PCDHGA4: variants seen among roughly 807,000 people sequenced by gnomAD.
PCDHGA4 encodes the protein protocadherin gamma-A4.
A neutral mutation model predicts 54.6 loss-of-function variants in PCDHGA4; 38 were observed. The ratio of observed to expected loss-of-function variants is 0.70; its 90% CI spans 0.54 to 0.91. PCDHGA4 has a LOEUF of 0.91. PCDHGA4 is among the 40% of genes least tolerant of loss of function. PCDHGA4 has a pLI of 0.00. For missense variants in PCDHGA4, 1,298 were observed against 1,220.9 expected (o/e 1.06, Z -0.94); for synonymous variants, 511 against 512.9 (o/e 1.00, Z 0.05).
intron 1 of PCDHGA4, among the ~76,000 whole-genome samples, chr5:141,406,290 G>A (rs2094788974): frequency 6.6e-6 from 1 of 151,998 alleles, no homozygotes; most frequent in Non-Finnish European, 1.5e-5. Flanking sequence ...AAAGCACTGG[G>A]TGAGGTGTGA....
intron 1 of PCDHGA4, chr5:141,398,470 A>G: frequency 6.2e-7 from 1 of 1,604,828 alleles, no homozygotes; most frequent in Non-Finnish European, 8.5e-7. Flanking sequence ...AAATCCACTG[A>G]ACTTTTATCA....
In PCDHGA4 at chr5:141,461,039, C is replaced by T. The variant is rs1026091108; in HGVS notation, c.2515-33768C>T. On this transcript the variant is annotated intron_variant, in intron 1 of 3. Coordinates refer to ENST00000571252, the MANE Select transcript of PCDHGA4 (RefSeq NM_018917.4). ...ACATTTTCTTTATCCACTCATTAGT[C>T]GATGGGGACTTAGGTTGGTTTCACA... is the stretch of plus-strand genomic sequence containing the variant. 2.7e-5 allele frequency among the ~76,000 whole-genome samples: 4 copies of T among 150,906 alleles called. No homozygotes were observed. In the East Asian group the frequency reaches 7.8e-4, roughly 29 times the overall value.
chr5:141,491,232 G>C lies in PCDHGA4; in HGVS notation c.2515-3575G>C. The C allele has an allele frequency of 6.2e-7, 1 of 1,614,220 alleles. No individual in the cohort carries two copies. Among genetic ancestry groups the C allele is most frequent in the Non-Finnish European group, 8.5e-7 (1 of 1,180,034 alleles). On this transcript the variant is annotated intron_variant, in intron 1 of 3. Coordinates refer to ENST00000571252, the MANE Select transcript of PCDHGA4 (RefSeq NM_018917.4). The surrounding 1 kb of genome is among the most constrained non-coding windows in gnomAD (Gnocchi z 6.9). ...TCTCCTCCACAGCCACAGTGCTGCT[G>C]GTTCTGGAGGATGAGGACCCTGAGG... is the stretch of plus-strand genomic sequence containing the variant.
At position 141,485,144 on chromosome 5, in the gene PCDHGA4, G is replaced by A; in HGVS notation, c.2515-9663G>A. 6.4e-7 allele frequency: 1 copy of A among 1,564,192 alleles called. No homozygotes were observed. The highest frequency in any genetic ancestry group is 1.7e-5 in the Admixed American group (1 of 59,326). On this transcript the variant is annotated intron_variant, in intron 1 of 3. Transcript: ENST00000571252. This position sits in a 1 kb window ranked among gnomAD's most constrained non-coding sequence, Gnocchi z 5.7. ...CGGGTCGGCTTCATCCGCGTCTCAG[G>A]AGCAAGTAGAGAATTAGCGGGCGGC...
chr5:141,485,070 G>T lies in PCDHGA4; in HGVS notation c.2515-9737G>T. ...CGCCGGCCGAACCGCGCCAGAGCTG[G>T]CGCGGGGAAAGGGAGATAGGTGTCT... On this transcript the variant is annotated intron_variant, in intron 1 of 3. Coordinates refer to ENST00000571252, the MANE Select transcript of PCDHGA4 (RefSeq NM_018917.4). This position sits in a 1 kb window ranked among gnomAD's most constrained non-coding sequence, Gnocchi z 5.7. 1.1e-6 allele frequency: 1 copy of T among 908,406 alleles called. No individual in the cohort carries two copies. Among genetic ancestry groups the T allele is most frequent in the East Asian group, 2.4e-5 (1 of 41,326 alleles). 56.3% of individuals were successfully genotyped at this position (908,406 alleles called of 1,614,324 possible).
intron 2 of PCDHGA4, among the ~76,000 whole-genome samples, chr5:141,503,595 G>A (rs6892628): frequency 7.1e-6 from 1 of 140,086 alleles, no homozygotes. Context: ...CGAGACTCCA[G>A]CTCAAAAAAA....
chr5:141,481,762 G>A (rs1378950651), intron 1 of PCDHGA4, among the ~76,000 whole-genome samples: 3 of 152,126 alleles, frequency 2.0e-5, no homozygotes, highest in African/African-American at 2.4e-5. Flanking sequence ...GACCAGCCTG[G>A]CCAACATGGT....
At chr5:141,364,769 G>A in intron 1 of PCDHGA4, 4 of 1,614,012 alleles carry the variant, frequency 2.5e-6, no homozygotes, top group Non-Finnish European at 3.4e-6. Flanking sequence ...TGAAAATGCG[G>A]CTGCAGGGAC....
At chr5:141,394,552 G>T (rs368792885) in intron 1 of PCDHGA4, 4 of 1,614,070 alleles carry the variant, frequency 2.5e-6, no homozygotes, top group East Asian at 4.5e-5. Flanking sequence ...CTGGCGCCCC[G>T]CTCCGCAGAG....
chr5:141,507,716 C>T (rs567867232), intron 3 of PCDHGA4, among the ~76,000 whole-genome samples: 1 of 152,372 alleles, frequency 6.6e-6, no homozygotes, highest in South Asian at 2.1e-4. Flanking sequence ...CCCAAACCCT[C>T]CAAGCAAGTC....
chr5:141,455,577 C>T (rs1000865176), intron 1 of PCDHGA4, among the ~76,000 whole-genome samples: 3 of 152,120 alleles, frequency 2.0e-5, no homozygotes, highest in East Asian at 1.9e-4. Context: ...CCCACCCCAG[C>T]CTTTTAATAT....
chr5:141,415,278 G>A (rs768587119), intron 1 of PCDHGA4: 4 of 1,614,212 alleles, frequency 2.5e-6, no homozygotes, highest in Non-Finnish European at 3.4e-6. Flanking sequence ...TGGTAGCGGT[G>A]GCCGCGGTCT....
chr5:141,362,539 T>A (rs773303808), intron 1 of PCDHGA4: 1 of 1,613,828 alleles, frequency 6.2e-7, no homozygotes, highest in South Asian at 1.1e-5. Flanking sequence ...CCCTTTTGCC[T>A]CAGATACTAT....
In PCDHGA4 at chr5:141,394,824, G is replaced by C. The variant is rs200702899; in HGVS notation, c.2514+37203G>C. The C allele has an allele frequency of 8.2e-4, 1,326 of 1,613,856 alleles. 15 individuals are homozygous for C. The highest frequency in any genetic ancestry group is 9.3e-4 in the Admixed American group (56 of 60,030). ...AGCCGTGGCTGACAGCATCCCCGAA[G>C]TCCTGACCGAGTTGGGCAGTCTGAA... On this transcript the variant is annotated intron_variant, in intron 1 of 3. Transcript: ENST00000571252.
In PCDHGA4 at chr5:141,477,955, C is replaced by T. The variant is rs748233998; in HGVS notation, c.2515-16852C>T. The T allele has an allele frequency of 3.7e-6, 6 of 1,614,004 alleles. No homozygotes were observed. Among genetic ancestry groups the T allele is most frequent in the Admixed American group, 3.3e-5 (2 of 59,988 alleles). On this transcript the variant is annotated intron_variant, in intron 1 of 3. Transcript: ENST00000571252. This position sits in a 1 kb window ranked among gnomAD's most constrained non-coding sequence, Gnocchi z 4.9. ...GGCTCTCCTACAGTCTCTTGGGATCCCCTAACCAGAGCCTTTTTGCCATAG... is the reference window on the plus strand; with the variant it reads ...GGCTCTCCTACAGTCTCTTGGGATCTCCTAACCAGAGCCTTTTTGCCATAG...
In PCDHGA4 at chr5:141,497,558, TA is replaced by T. The variant is rs543126612; in HGVS notation, c.2573+2694del. 6.7e-3 allele frequency among the ~76,000 whole-genome samples: 979 copies of T among 145,038 alleles called. 16 individuals carry two copies. Among genetic ancestry groups the T allele is most frequent in the African/African-American group, 0.024 (931 of 38,872 alleles). On this transcript the variant is annotated intron_variant, in intron 2 of 3. Coordinates refer to ENST00000571252, the MANE Select transcript of PCDHGA4 (RefSeq NM_018917.4). The stretch of plus-strand genomic sequence containing the variant: ...AACAAACCTTTTTTTTTTTTTTTTT[TA>T]GACAGAGTCTTGCTCTGTTGCCCAA...
At chr5:141,360,619 G>T in intron 1 of PCDHGA4, 1 of 1,614,012 alleles carries the variant, frequency 6.2e-7, no homozygotes, top group East Asian at 2.2e-5. Context: ...GGATTCAGAT[G>T]TTGGTCCTAA....
chr5:141,479,000 T>C (rs2099485433), intron 1 of PCDHGA4, among the ~76,000 whole-genome samples: 1 of 152,244 alleles, frequency 6.6e-6, no homozygotes, highest in Non-Finnish European at 1.5e-5. Flanking sequence ...TTAAAACTAA[T>C]AGCTTTTTGA....
intron 1 of PCDHGA4, chr5:141,424,133 T>C: frequency 2.2e-6 from 1 of 450,350 alleles, no homozygotes; most frequent in South Asian, 9.6e-5. Flanking sequence ...GTTGATTTAA[T>C]AGCATGCTCC....
Sources: gnomAD v4.1 joint callset for allele counts (sites outside exome capture counted in the v4.1 genomes callset) on GRCh38, gnomAD v4.1.1 for gene constraint, Gnocchi (gnomAD v3.1) non-coding constraint, MANE v1.5 for transcripts, NCBI Gene and HGNC (gene_info 2026-07-23, HGNC 2026-07-21) for gene names.